Variants in PHF24 observed in about 807,000 individuals in gnomAD.
PHF24 encodes the protein PHD finger protein 24.
PHF24 carries 25 observed loss-of-function variants against 42.6 expected under a neutral mutation model. The observed-to-expected ratio is 0.59, with a 90% CI of 0.43 to 0.82. The LOEUF is 0.82. Ranked by LOEUF, PHF24 falls within the 40% of genes least tolerant of loss-of-function variation. The pLI, the probability that PHF24 is intolerant of heterozygous loss-of-function variation, is 0.00. For missense variants in PHF24, 470 were observed against 538.1 expected, an observed-to-expected ratio of 0.87 and a Z score of 1.25; for synonymous variants, 185 against 204.8, an observed-to-expected ratio of 0.90 and a Z score of 0.83.
chr9:34,917,705 G>A, the PHF24 span: 2 of 789,378 alleles, frequency 2.5e-6, no homozygotes, highest in South Asian at 1.3e-5. Context: ...GGACATCGTG[G>A]AGGCTCATTA....
the PHF24 span, chr9:34,709,726 GC>G: frequency 6.2e-7 from 1 of 1,613,478 alleles, no homozygotes; most frequent in Non-Finnish European, 8.5e-7. Flanking sequence ...TGCCCACCAT[GC>G]CCTCCCCACC....
the PHF24 span, among the ~76,000 whole-genome samples, chr9:34,764,649 G>C: frequency 4.6e-5 from 7 of 152,016 alleles, no homozygotes; most frequent in South Asian, 6.2e-4. Flanking sequence ...CAAAAAACCA[G>C]CTCCTGGATT....
chr9:34,832,677 G>A, the PHF24 span: 2 of 1,541,088 alleles, frequency 1.3e-6, no homozygotes, highest in Admixed American at 3.9e-5. Flanking sequence ...TCTGAAGCTA[G>A]ACTCTGTAAG....
rs140009692 is a variant in PHF24 at position 34,959,866 on chromosome 9, TCACTTTTAGGAAGCAC to T, written c.-5+1466_-5+1481del. On this transcript the variant is annotated intron_variant, in intron 1 of 7. Coordinates refer to ENST00000242315, the Ensembl canonical transcript of PHF24. The stretch of plus-strand genomic sequence containing the variant: ...CGAAGGAGAGAAAGGAGAGACAGGA[TCACTTTTAGGAAGCAC>T]GATCCACACTGTCCTTGTGACCCTC... Among the ~76,000 whole-genome samples, 307 of 151,676 alleles carry T rather than the reference TCACTTTTAGGAAGCAC, an allele frequency of 2.0e-3. 10 individuals carry two copies. In the East Asian group the frequency reaches 0.048, roughly 24 times the overall value.
At position 34,962,573 on chromosome 9, in the gene PHF24, G is replaced by T. The variant is rs114651317; in HGVS notation, c.-5+4172G>T. Among the ~76,000 whole-genome samples the T allele has an allele frequency of 3.0e-3, 459 of 152,274 alleles. 1 individual carries two copies. Among genetic ancestry groups the T allele is most frequent in the African/African-American group, 0.011 (439 of 41,558 alleles). ...TGACGCATAGTAGGCTGTACTCGGC[G>T]AAAGTTTGCAGAATCAACAGAGAAG... On this transcript the variant is annotated intron_variant, in intron 1 of 7. Coordinates refer to ENST00000242315, the Ensembl canonical transcript of PHF24.
At chr9:34,693,883 GT>G in the PHF24 span, among the ~76,000 whole-genome samples, 1 of 152,060 alleles carries the variant, frequency 6.6e-6, no homozygotes, top group South Asian at 2.1e-4. Flanking sequence ...TTCTTTGTTT[GT>G]TTTTTGTTTT....
exon 8 of PHF24, chr9:34,980,558 A>T (rs1049240104): frequency 6.6e-6 from 1 of 152,284 alleles, no homozygotes; most frequent in South Asian, 2.1e-4. Context: ...TTGCTCCCCA[A>T]GTCCAGAGTT....
the PHF24 span, among the ~76,000 whole-genome samples, chr9:34,702,390 TG>T: frequency 6.6e-6 from 1 of 152,342 alleles, no homozygotes; most frequent in South Asian, 2.1e-4. Context: ...TGGCGCTGGC[TG>T]CTTAGGCCTT....
At chr9:34,689,747 T>C in the PHF24 span, 1 of 1,581,012 alleles carries the variant, frequency 6.3e-7, no homozygotes, top group South Asian at 1.1e-5. The surrounding 1 kb of genome is among the most constrained non-coding windows in gnomAD (Gnocchi z 4.1). Context: ...CTTCTGGTCC[T>C]CGGTTCCCCA....
At chr9:34,707,553 A>T in the PHF24 span, among the ~76,000 whole-genome samples, 1 of 152,206 alleles carries the variant, frequency 6.6e-6, no homozygotes, top group Admixed American at 6.5e-5. Flanking sequence ...TAGGACAGGC[A>T]GGGGAGAGGC....
the PHF24 span, among the ~76,000 whole-genome samples, chr9:34,898,479 A>G: frequency 3.3e-5 from 5 of 152,192 alleles, no homozygotes; most frequent in South Asian, 2.1e-4. Context: ...TATTAAGGAT[A>G]ATTTAAGAAG....
At chr9:34,835,844 T>C in the PHF24 span, 1 of 1,326,500 alleles carries the variant, frequency 7.5e-7, no homozygotes, top group East Asian at 2.5e-5. Flanking sequence ...TGGAGCTCTA[T>C]ACTCTGCTCA....
the PHF24 span, among the ~76,000 whole-genome samples, chr9:34,750,823 A>AT: frequency 6.6e-6 from 1 of 152,086 alleles, no homozygotes. Context: ...CAGAAAACAA[A>AT]TTTTTTAAAA....
the PHF24 span, among the ~76,000 whole-genome samples, chr9:34,926,241 A>G: frequency 7.2e-5 from 11 of 152,040 alleles, no homozygotes; most frequent in African/African-American, 2.7e-4. This position sits in a 1 kb window ranked among gnomAD's most constrained non-coding sequence, Gnocchi z 4.3. Flanking sequence ...TGGGGCTATT[A>G]CTCTGTCCAG....
intron 3 of PHF24, among the ~76,000 whole-genome samples, chr9:34,975,455 T>TA (rs776908938): frequency 6.6e-6 from 1 of 152,250 alleles, no homozygotes; most frequent in Non-Finnish European, 1.5e-5. Flanking sequence ...TCTGCTCTTG[T>TA]ACTTTGCGGG....
chr9:34,883,077 G>C, the PHF24 span, among the ~76,000 whole-genome samples: 5 of 152,256 alleles, frequency 3.3e-5, no homozygotes, highest in African/African-American at 1.2e-4. Flanking sequence ...ACAACTATCT[G>C]ATCTTTGACA....
chr9:34,788,186 C>T, the PHF24 span, among the ~76,000 whole-genome samples: 1 of 152,070 alleles, frequency 6.6e-6, no homozygotes, highest in Non-Finnish European at 1.5e-5. Context: ...TACAGGTGTG[C>T]ACCACTGAGC....
chr9:34,705,908 T>A, the PHF24 span, among the ~76,000 whole-genome samples: 35 of 152,114 alleles, frequency 2.3e-4, no homozygotes, highest in Admixed American at 5.9e-4. Flanking sequence ...CATTTTATTT[T>A]AAAAAAAAGT....
the PHF24 span, among the ~76,000 whole-genome samples, chr9:34,864,313 A>T: frequency 6.6e-6 from 1 of 152,198 alleles, no homozygotes. Context: ...TAGAACACCA[A>T]GCACATTTAA....
Sources: allele counts gnomAD v4.1 joint callset (sites outside exome capture counted in the v4.1 genomes callset), GRCh38; gene constraint gnomAD v4.1.1; non-coding constraint Gnocchi (gnomAD v3.1); transcripts MANE v1.5; gene names NCBI Gene and HGNC (gene_info 2026-07-23, HGNC 2026-07-21).